CHRDL2: variants seen among roughly 807,000 people sequenced by gnomAD.
The protein encoded by CHRDL2 is chordin-like protein 2.
Under a neutral mutation model 54.3 loss-of-function variants are expected in CHRDL2, and 41 were observed. The observed-to-expected ratio is 0.76, with a 90% confidence interval of 0.59 to 0.98. The LOEUF (loss-of-function observed/expected upper bound fraction) is 0.98, where lower values mean the gene tolerates loss of function less well. Ranked by LOEUF, CHRDL2 falls within the 50% of genes least tolerant of loss-of-function variation. The probability of loss-of-function intolerance (pLI) is 0.00; values close to 1 mark genes in which losing one functional copy is unlikely to be tolerated. For missense variants in CHRDL2, 518 were observed against 562.4 expected (o/e 0.92, Z 0.80); for synonymous variants, 220 against 224.3 (o/e 0.98, Z 0.17).
intron 4 of CHRDL2, 97 bp downstream of exon 4, chr11:74,710,752 C>T (rs2034160674): frequency 6.9e-7 from 1 of 1,441,028 alleles, no homozygotes; most frequent in African/African-American, 1.4e-5. Context: ...TTGCTTTGGC[C>T]AGGAGGAACA....
In CHRDL2 at chr11:74,706,519, C is replaced by T; in HGVS notation, c.550G>A (p.Glu184Lys). 1 of 1,614,154 alleles carries T rather than the reference C, an allele frequency of 6.2e-7. No individual in the cohort carries two copies. Among genetic ancestry groups the T allele is most frequent in the Non-Finnish European group, 8.5e-7 (1 of 1,179,990 alleles). Reference protein sequence around the residue: ...CKDEASEQSDEEDSVQSLHGV... With the variant: ...CKDEASEQSDKEDSVQSLHGV... ...TGGAGCGACTGCACACTGTCCTCTT[C>T]ATCCGATTGCTCACTTGCCTCATCT... Residue 184 changes from glutamate to lysine, a missense_variant, in exon 6 of 11, where the codon GAA (glutamate) becomes AAA (lysine). By Grantham distance (56) the Glu-to-Lys change is moderately conservative (BLOSUM62 1). Transcript: ENST00000376332.
chr11:74,721,050 G>A (rs962677797), intron 1 of CHRDL2, among the ~76,000 whole-genome samples: 3 of 152,196 alleles, frequency 2.0e-5, no homozygotes, highest in Non-Finnish European at 2.9e-5. Flanking sequence ...AAGTGGAGGA[G>A]CGATTAAAGT....
In CHRDL2 at chr11:74,722,759, CCACTCATAAAT is replaced by C. The variant is rs1363469468; in HGVS notation, c.83-3938_83-3928del. ...GGTGGCCTCCTGCATTCTTCTAGCC[CCACTCATAAAT>C]CAGATTAGTTTGCCTCAACTCACCT... On this transcript the variant is annotated intron_variant, in intron 1 of 10. Coordinates refer to ENST00000376332, the MANE Select transcript of CHRDL2 (RefSeq NM_001278473.3). 4.6e-5 allele frequency among the ~76,000 whole-genome samples: 7 copies of C among 152,224 alleles called. No homozygotes were observed. In the East Asian group the frequency reaches 5.8e-4, roughly 13 times the overall value.
chr11:74,721,800 AGGGGAGG>A (rs1379657745), intron 1 of CHRDL2, among the ~76,000 whole-genome samples: 1 of 152,244 alleles, frequency 6.6e-6, no homozygotes, highest in African/African-American at 2.4e-5. Flanking sequence ...CTGCAAAATA[AGGGGAGG>A]GGGTAAGCTA....
chr11:74,724,112 G>A (rs901538938), intron 1 of CHRDL2, among the ~76,000 whole-genome samples: 6 of 152,262 alleles, frequency 3.9e-5, no homozygotes, highest in Non-Finnish European at 4.4e-5. Context: ...CTATGATGGC[G>A]TGAGCATAGG....
chr11:74,697,332 C>A, intron 9 of CHRDL2, 35 bp from the exon 10 acceptor site: 1 of 1,533,912 alleles, frequency 6.5e-7, no homozygotes, highest in Non-Finnish European at 9.0e-7. Context: ...GCAGGCAAGG[C>A]AAAAACCTAC....
chr11:74,713,598 T>C (rs2034265090), intron 2 of CHRDL2, 119 bp from the exon 3 acceptor site: 2 of 744,744 alleles, frequency 2.7e-6, no homozygotes, highest in Admixed American at 2.6e-5. Flanking sequence ...AAGCCTGTGA[T>C]TGGACTGAAA....
At position 74,730,813 on chromosome 11, in the gene CHRDL2, G is replaced by A. The variant is rs1190139491; in HGVS notation, c.76C>T (p.Arg26Ter). 2 of 1,611,028 alleles carry A rather than the reference G, an allele frequency of 1.2e-6. No homozygotes were observed. The highest frequency in any genetic ancestry group is 1.3e-5 in the African/African-American group (1 of 74,864). Reference sequence around the variant, plus strand: ...AGCCTCCCGGTCTACTTACGGGCTCGAGCGTGGGAGTCCAGGGGGAACCAG... The same window carrying A: ...AGCCTCCCGGTCTACTTACGGGCTCAAGCGTGGGAGTCCAGGGGGAACCAG... ...LLWFPLDSHA[R>*]ARPDMFCLFH... The change falls in exon 1 of 11, where the codon CGA becomes TGA. Residue 26 changes from arginine (R) to a stop codon, truncating the protein, a stop_gained. Transcript: ENST00000376332. LOFTEE classifies it high-confidence loss of function.
Position 74,703,191 on chromosome 11 carries a change from C to T in CHRDL2, c.946+114G>A, listed in dbSNP as rs962806964. On this transcript the variant is annotated intron_variant, in intron 8 of 10. Coordinates refer to ENST00000376332, the MANE Select transcript of CHRDL2 (RefSeq NM_001278473.3). Reference sequence around the variant, plus strand: ...GTCTGACATGCCCTGCATCCTGTGGCACCGATGCATGCCCTTCCATGTCTG... The same window carrying T: ...GTCTGACATGCCCTGCATCCTGTGGTACCGATGCATGCCCTTCCATGTCTG... 6.3e-6 allele frequency: 8 copies of T among 1,270,826 alleles called. No individual in the cohort carries two copies. In the African/African-American group the frequency reaches 7.5e-5, roughly 12 times the overall value. 78.7% of individuals were successfully genotyped at this position (1,270,826 alleles called of 1,614,324 possible).
chr11:74,712,908 C>T (rs1472397256), intron 3 of CHRDL2, among the ~76,000 whole-genome samples: 1 of 152,188 alleles, frequency 6.6e-6, no homozygotes, highest in Admixed American at 6.5e-5. Flanking sequence ...AGCATCAGGA[C>T]ACATAGAGTC....
At position 74,703,482 on chromosome 11, in the gene CHRDL2, T is replaced by G; in HGVS notation, c.769A>C (p.Lys257Gln). The G allele has an allele frequency of 1.2e-6, 2 of 1,602,944 alleles. No individual in the cohort carries two copies. The highest frequency in any genetic ancestry group is 1.7e-6 in the Non-Finnish European group (2 of 1,173,462). ...CACACCTCCCCGTGGGAGTACGTCT[T>G]CCCGCCATGCACACAGGCTGAATAA... ...KHKKACVHGGKTYSHGEVWHP... is the reference protein window; with the variant it reads ...KHKKACVHGGQTYSHGEVWHP... The change falls in exon 8 of 11, where the codon AAG (lysine) becomes CAG (glutamine). Residue 257 changes from lysine (K) to glutamine (Q), a missense_variant. Lys to Gln is a moderately conservative substitution (Grantham distance 53, BLOSUM62 1). Transcript: ENST00000376332.
chr11:74,716,540 CAAAA>C (rs751918696), intron 2 of CHRDL2, among the ~76,000 whole-genome samples: 1 of 57,640 alleles, frequency 1.7e-5, no homozygotes. Context: ...ACTCCATCTC[CAAAA>C]AAAAAAAAAA....
chr11:74,731,068 G>C lies in CHRDL2; in HGVS notation c.-180C>G, dbSNP rs971753506. On this transcript the variant is annotated 5_prime_UTR_variant, in exon 1 of 11. Transcript: ENST00000376332. This position sits in a 1 kb window ranked among gnomAD's most constrained non-coding sequence, Gnocchi z 4.4. The stretch of plus-strand genomic sequence containing the variant: ...GCAGGAAAGGAGGGCAGGAAGGGAG[G>C]TCTAAGGTGGGAAGAAGAGAAAGGT... 5 of 597,458 alleles carry C rather than the reference G, an allele frequency of 8.4e-6. No homozygotes were observed. The Admixed American group carries it at 1.5e-4, about 18-fold the overall frequency. 37.0% of individuals were successfully genotyped at this position (597,458 alleles called of 1,614,324 possible).
intron 1 of CHRDL2, among the ~76,000 whole-genome samples, chr11:74,728,549 G>GTTGT (rs977770601): frequency 7.1e-6 from 1 of 139,988 alleles, no homozygotes; most frequent in Admixed American, 7.0e-5. Context: ...TGTTGTTGTT[G>GTTGT]TTTTTTAAGA....
chr11:74,704,843 C>A, intron 6 of CHRDL2, 189 bp from the exon 7 acceptor site: 1 of 610,436 alleles, frequency 1.6e-6, no homozygotes. Context: ...ACAGTTCGAT[C>A]TTTGAAAACT....
intron 1 of CHRDL2, among the ~76,000 whole-genome samples, chr11:74,722,994 A>C (rs764396928): frequency 3.3e-5 from 5 of 152,158 alleles, no homozygotes; most frequent in Non-Finnish European, 7.4e-5. Flanking sequence ...TCAGATTTGC[A>C]TTTTAGAATC....
chr11:74,696,639 A>C, intron 10 of CHRDL2, 54 bp from the exon 11 acceptor site: 3 of 1,301,404 alleles, frequency 2.3e-6, no homozygotes, highest in Non-Finnish European at 3.3e-6. Flanking sequence ...CACGTGCACA[A>C]CAGAGGCAGC....
intron 9 of CHRDL2, among the ~76,000 whole-genome samples, chr11:74,702,561 C>T (rs1591350511): frequency 6.6e-6 from 1 of 152,210 alleles, no homozygotes; most frequent in Non-Finnish European, 1.5e-5. Context: ...GCCTTCCCCC[C>T]AGGAGAGGGA....
In CHRDL2 at chr11:74,716,726, T is replaced by C. The variant is rs149290030; in HGVS notation, c.195+1994A>G. 3.3e-3 allele frequency among the ~76,000 whole-genome samples: 496 copies of C among 151,914 alleles called. 3 individuals carry two copies. The highest frequency in any genetic ancestry group is 0.011 in the African/African-American group (473 of 41,416). ...ACAATCAGCACACAGTCTCTGTATGTCTGTCAATGAGTTCATCATCTGTTA... is the reference window on the plus strand; with the variant it reads ...ACAATCAGCACACAGTCTCTGTATGCCTGTCAATGAGTTCATCATCTGTTA... On this transcript the variant is annotated intron_variant, in intron 2 of 10. Transcript: ENST00000376332.
Sources: allele counts gnomAD v4.1 joint callset (sites outside exome capture counted in the v4.1 genomes callset), GRCh38; gene constraint gnomAD v4.1.1; non-coding constraint Gnocchi (gnomAD v3.1); transcripts MANE v1.5; gene names NCBI Gene and HGNC (gene_info 2026-07-23, HGNC 2026-07-21).